The following TENM3 variants were observed in gnomAD, a reference collection of about 807,000 sequenced individuals.
TENM3 encodes teneurin transmembrane protein 3, also known as teneurin-3.
Under a neutral mutation model 255.1 loss-of-function variants are expected in TENM3, and 63 were observed. The observed-to-expected ratio is 0.25, with a 90% CI of 0.20 to 0.30. TENM3 has a LOEUF of 0.30. TENM3 is among the 10% of genes least tolerant of loss of function. The probability of loss-of-function intolerance (pLI) is 1.00; values close to 1 mark genes in which losing one functional copy is unlikely to be tolerated. For missense variants in TENM3, 2,929 were observed against 3,461.1 expected (o/e 0.85, Z 3.86); for synonymous variants, 1,306 against 1,322.3 (o/e 0.99, Z 0.27).
the TENM3 span, among the ~76,000 whole-genome samples, chr4:181,928,942 G>A: frequency 4.3e-3 from 657 of 152,200 alleles, 2 homozygotes; most frequent in Middle Eastern, 0.017. Flanking sequence ...CTTCATAAGC[G>A]AAGAAGAAAT....
chr4:182,123,161 G>A, the TENM3 span, among the ~76,000 whole-genome samples: 1 of 152,134 alleles, frequency 6.6e-6, no homozygotes, highest in Non-Finnish European at 1.5e-5. Flanking sequence ...TGTTATTGTT[G>A]TTGTTGTTGT....
intron 12 of TENM3, among the ~76,000 whole-genome samples, chr4:182,712,076 T>C (rs1051870914): frequency 2.0e-5 from 3 of 152,234 alleles, no homozygotes; most frequent in Non-Finnish European, 4.4e-5. Flanking sequence ...TTGGTTTTTT[T>C]CCTAAATGTT....
At chr4:181,894,218 C>T in the TENM3 span, among the ~76,000 whole-genome samples, 2 of 152,064 alleles carry the variant, frequency 1.3e-5, no homozygotes, top group African/African-American at 4.8e-5. Flanking sequence ...GTAACACTAC[C>T]CTTTAACTTA....
At chr4:181,731,189 T>C in the TENM3 span, among the ~76,000 whole-genome samples, 257 of 152,324 alleles carry the variant, frequency 1.7e-3, no homozygotes, top group African/African-American at 5.9e-3. Context: ...AGAGGACAGG[T>C]AATACTTTTA....
chr4:182,155,507 T>C (rs1750644173), intron 1 of TENM3, among the ~76,000 whole-genome samples: 3 of 152,214 alleles, frequency 2.0e-5, no homozygotes, highest in Admixed American at 2.0e-4. Context: ...GGAAACTATT[T>C]AAAAGATTAT....
At chr4:182,047,852 G>T in the TENM3 span, among the ~76,000 whole-genome samples, 2 of 151,944 alleles carry the variant, frequency 1.3e-5, no homozygotes, top group East Asian at 3.9e-4. Context: ...CAATTATGAC[G>T]TTATTTATGA....
chr4:182,653,074 G>A (rs1753458307), intron 5 of TENM3, among the ~76,000 whole-genome samples: 1 of 151,888 alleles, frequency 6.6e-6, no homozygotes, highest in African/African-American at 2.4e-5. Context: ...TTAAAATAAA[G>A]CAAATTAGTA....
At chr4:182,735,923 A>T (rs143146306) in intron 16 of TENM3, among the ~76,000 whole-genome samples, 4 of 152,176 alleles carry the variant, frequency 2.6e-5, no homozygotes, top group Admixed American at 6.6e-5. Context: ...TAAGAGTATA[A>T]TTTTTTTTAA....
chr4:182,044,234 A>C, the TENM3 span, among the ~76,000 whole-genome samples: 1 of 152,190 alleles, frequency 6.6e-6, no homozygotes, highest in Non-Finnish European at 1.5e-5. Context: ...GGAAAAGCAC[A>C]AAAAAAGAAA....
the TENM3 span, among the ~76,000 whole-genome samples, chr4:181,597,239 T>A: frequency 1.3e-5 from 2 of 152,164 alleles, no homozygotes; most frequent in Admixed American, 6.5e-5. Context: ...TAGGAAAAAA[T>A]TAGATTCAGT....
intron 3 of TENM3, among the ~76,000 whole-genome samples, chr4:182,516,216 A>T (rs189723882): frequency 6.6e-6 from 1 of 152,236 alleles, no homozygotes; most frequent in Non-Finnish European, 1.5e-5. Flanking sequence ...TCTGCAAAAC[A>T]TCAAATAAGT....
chr4:182,431,750 A>G (rs1771665562), intron 3 of TENM3, among the ~76,000 whole-genome samples: 1 of 152,078 alleles, frequency 6.6e-6, no homozygotes, highest in Non-Finnish European at 1.5e-5. Context: ...AGCCACAGTA[A>G]GCACTGGACA....
chr4:182,004,983 G>A, the TENM3 span, among the ~76,000 whole-genome samples: 2 of 152,010 alleles, frequency 1.3e-5, no homozygotes, highest in Non-Finnish European at 2.9e-5. Context: ...TTGTCAGACG[G>A]GTAGATTGCA....
chr4:182,592,760 A>G (rs1746800745), intron 3 of TENM3, among the ~76,000 whole-genome samples: 1 of 152,328 alleles, frequency 6.6e-6, no homozygotes, highest in East Asian at 1.9e-4. Context: ...AAAAAGTTTT[A>G]TACAATTTGT....
At chr4:182,309,073 G>A (rs564805189) in intron 1 of TENM3, among the ~76,000 whole-genome samples, 13 of 152,222 alleles carry the variant, frequency 8.5e-5, no homozygotes, top group African/African-American at 3.1e-4. Context: ...TTCTTGGGAC[G>A]AATCAGACAC....
chr4:182,351,079 C>G (rs17239405), intron 3 of TENM3, among the ~76,000 whole-genome samples: 2,925 of 114,896 alleles, frequency 0.025, 39 homozygotes, highest in Non-Finnish European at 0.038. Context: ...ATTTAAACGT[C>G]AGGAACAAAG....
chr4:182,321,929 A>G (rs571401629), intron 1 of TENM3, among the ~76,000 whole-genome samples: 1 of 152,198 alleles, frequency 6.6e-6, no homozygotes, highest in African/African-American at 2.4e-5. Context: ...TGGGCAACAG[A>G]GCGAGATTCC....
At chr4:181,706,060 G>A in the TENM3 span, among the ~76,000 whole-genome samples, 6 of 152,196 alleles carry the variant, frequency 3.9e-5, no homozygotes, top group East Asian at 1.2e-3. Context: ...CTGGCAGGTA[G>A]CAGTTTGAGA....
intron 21 of TENM3, among the ~76,000 whole-genome samples, chr4:182,753,948 G>T (rs1415887297): frequency 1.3e-5 from 2 of 152,266 alleles, no homozygotes; most frequent in South Asian, 4.1e-4. Flanking sequence ...GTAGTAGAGA[G>T]AACCCACTAT....
Sources: allele counts gnomAD v4.1 joint callset (sites outside exome capture counted in the v4.1 genomes callset), GRCh38; gene constraint gnomAD v4.1.1; transcripts MANE v1.5; gene names NCBI Gene and HGNC (gene_info 2026-07-23, HGNC 2026-07-21).